AVEN: variants seen among roughly 807,000 people sequenced by gnomAD.
AVEN encodes apoptosis and caspase activation inhibitor, also known as cell death regulator Aven.
Under a neutral mutation model 38.1 loss-of-function variants are expected in AVEN, and 41 were observed. The ratio of observed to expected loss-of-function variants is 1.08; its 90% CI spans 0.84 to 1.40. AVEN has a LOEUF of 1.40. Among genes scored for constraint, AVEN ranks in the 40% most tolerant of loss-of-function variants. The probability of loss-of-function intolerance (pLI) is 0.00; values close to 1 mark genes in which losing one functional copy is unlikely to be tolerated. For synonymous variants in AVEN, 206 were observed against 171.8 expected, an observed-to-expected ratio of 1.20 and a Z score of -1.56; for missense variants, 605 against 438.8, an observed-to-expected ratio of 1.38 and a Z score of -3.38.
At chr15:34,028,182 C>A (rs984285401) in intron 1 of AVEN, among the ~76,000 whole-genome samples, 1 of 152,116 alleles carries the variant, frequency 6.6e-6, no homozygotes, top group Non-Finnish European at 1.5e-5. Flanking sequence ...AATACATATT[C>A]CATAAATAAT....
At chr15:33,912,638 C>G (rs1892956973) in intron 2 of AVEN, among the ~76,000 whole-genome samples, 1 of 152,278 alleles carries the variant, frequency 6.6e-6, no homozygotes, top group African/African-American at 2.4e-5. Flanking sequence ...CTGTTCTAAT[C>G]TTAGCTCTGT....
intron 1 of AVEN, among the ~76,000 whole-genome samples, chr15:34,013,535 A>G (rs1897729548): frequency 6.6e-6 from 1 of 152,204 alleles, no homozygotes; most frequent in African/African-American, 2.4e-5. Flanking sequence ...GCCAATATTC[A>G]TTTAACAGTG....
intron 2 of AVEN, among the ~76,000 whole-genome samples, chr15:34,067,775 A>T (rs148464336): frequency 6.6e-6 from 1 of 152,148 alleles, no homozygotes; most frequent in Non-Finnish European, 1.5e-5. Context: ...CTGCACAAAA[A>T]GGGGCAGCAG....
At position 34,053,319 on chromosome 15, in the gene AVEN, A is replaced by AAAAT. The variant is rs775436850; in HGVS notation, n.1637+9602_1637+9603insATTT. On this transcript the variant is annotated intron_variant and non_coding_transcript_variant, in intron 5 of 11. Coordinates refer to the AVEN transcript ENST00000675287. ...CATCTCAAAAAAAAAAAAAAAAAAAAATATATATATATATATATATATATG... is the reference window on the plus strand; with the variant it reads ...CATCTCAAAAAAAAAAAAAAAAAAAAAAATATATATATATATATATATATATATG... 7.3e-3 allele frequency among the ~76,000 whole-genome samples: 306 copies of AAAAT among 42,022 alleles called. 4 individuals carry two copies. The highest frequency in any genetic ancestry group is 0.011 in the Non-Finnish European group (231 of 21,182). The allele number at this position is 42,022 out of a possible 152,430, so 27.6% of individuals were successfully genotyped here. A position where few individuals can be genotyped will look rare whatever the true frequency, so the allele number is the denominator to read the frequency against.
chr15:33,906,151 G>A (rs370120163), intron 2 of AVEN, among the ~76,000 whole-genome samples: 133 of 152,310 alleles, frequency 8.7e-4, no homozygotes, highest in African/African-American at 3.1e-3. Flanking sequence ...GAACAGAGCT[G>A]GAGTGAATTG....
intron 2 of AVEN, among the ~76,000 whole-genome samples, chr15:33,916,155 C>A (rs967444804): frequency 6.6e-6 from 1 of 152,192 alleles, no homozygotes; most frequent in African/African-American, 2.4e-5. Context: ...ACCACCTGAT[C>A]CTCCCTATAC....
At chr15:33,998,523 A>AT (rs1379301979) in intron 2 of AVEN, among the ~76,000 whole-genome samples, 1 of 152,144 alleles carries the variant, frequency 6.6e-6, no homozygotes, top group Non-Finnish European at 1.5e-5. Flanking sequence ...CCAGCCCATT[A>AT]TTCTCCTTTC....
intron 2 of AVEN, among the ~76,000 whole-genome samples, chr15:33,891,862 C>T (rs1376029072): frequency 2.0e-5 from 3 of 152,216 alleles, no homozygotes; most frequent in African/African-American, 4.8e-5. Flanking sequence ...TAAAAGCATT[C>T]CTATTTCTCC....
intron 2 of AVEN, among the ~76,000 whole-genome samples, chr15:33,990,102 G>A (rs1004745961): frequency 1.3e-5 from 2 of 152,036 alleles, no homozygotes; most frequent in African/African-American, 4.8e-5. Flanking sequence ...TACTCAGGAG[G>A]CTGAGGCAGG....
At chr15:34,018,099 A>G (rs1357655915) in intron 1 of AVEN, 1 of 152,260 alleles carries the variant, frequency 6.6e-6, no homozygotes, top group Non-Finnish European at 1.5e-5. Flanking sequence ...GAGTACAGTC[A>G]TTCTACTTAC....
chr15:34,046,248 C>T (rs865952471), intron 5 of AVEN, among the ~76,000 whole-genome samples: 2 of 151,510 alleles, frequency 1.3e-5, no homozygotes, highest in African/African-American at 4.9e-5. Context: ...ATCCATCAGC[C>T]GTGGAACCTA....
rs28407225 is a variant in AVEN, at chr15:33,897,377, A to T, written c.446-21382T>A. Among the ~76,000 whole-genome samples the T allele has an allele frequency of 4.6e-5, 7 of 151,950 alleles. No homozygotes were observed. The South Asian group carries it at 1.3e-3, about 27-fold the overall frequency. ...CAGTGGCATGATCTTGGCTCACTGCAAGCTCCACCTCCCAGGTGCAAGCAA... is the reference window on the plus strand; with the variant it reads ...CAGTGGCATGATCTTGGCTCACTGCTAGCTCCACCTCCCAGGTGCAAGCAA... On this transcript the variant is annotated intron_variant, in intron 2 of 5. Transcript: ENST00000306730.
intron 2 of AVEN, among the ~76,000 whole-genome samples, chr15:33,905,982 T>C (rs1249832402): frequency 6.6e-6 from 1 of 152,174 alleles, no homozygotes; most frequent in African/African-American, 2.4e-5. Flanking sequence ...CTAGATTTTC[T>C]CAGTACCTCC....
Position 34,063,507 on chromosome 15 carries a change from C to T in AVEN, n.1127-75G>A, listed in dbSNP as rs764541495. 5.6e-6 allele frequency: 9 copies of T among 1,613,618 alleles called. No individual in the cohort carries two copies. In the East Asian group the frequency reaches 6.7e-5, roughly 12 times the overall value. On this transcript the variant is annotated intron_variant and non_coding_transcript_variant, in intron 4 of 11. Transcript: ENST00000675287. This position sits in a 1 kb window ranked among gnomAD's most constrained non-coding sequence, Gnocchi z 4.1. Reference sequence around the variant, plus strand: ...CTGTCCTCGACCCACCCTGGCCCAGCGGGAAAGGAACCAGGCCTCCTGGTC... The same window carrying T: ...CTGTCCTCGACCCACCCTGGCCCAGTGGGAAAGGAACCAGGCCTCCTGGTC...
chr15:33,916,624 A>C (rs1893147311), intron 2 of AVEN, among the ~76,000 whole-genome samples: 1 of 152,208 alleles, frequency 6.6e-6, no homozygotes. Flanking sequence ...AATGCAAATC[A>C]AAACCACAAT....
intron 2 of AVEN, among the ~76,000 whole-genome samples, chr15:33,936,013 G>A (rs201699838): frequency 1.3e-5 from 2 of 151,910 alleles, no homozygotes; most frequent in East Asian, 3.9e-4. Context: ...AAAATGAATC[G>A]ATTTCAAGAT....
At chr15:33,947,709 T>A (rs1894559611) in intron 2 of AVEN, among the ~76,000 whole-genome samples, 1 of 152,252 alleles carries the variant, frequency 6.6e-6, no homozygotes, top group African/African-American at 2.4e-5. Flanking sequence ...TTTTATCTTT[T>A]GAGTTTTTAA....
intron 2 of AVEN, among the ~76,000 whole-genome samples, chr15:33,981,632 T>C (rs1409479021): frequency 6.6e-6 from 1 of 152,100 alleles, no homozygotes; most frequent in Non-Finnish European, 1.5e-5. Flanking sequence ...TAAAGAATAG[T>C]CATGGGTTTT....
chr15:33,969,267 G>A (rs530019265), intron 2 of AVEN: 1 of 152,048 alleles, frequency 6.6e-6, no homozygotes, highest in African/African-American at 2.4e-5. Context: ...AGCTTTTGCA[G>A]ATTTAAGCTG....
Sources: gnomAD v4.1 joint callset for allele counts (sites outside exome capture counted in the v4.1 genomes callset) on GRCh38, gnomAD v4.1.1 for gene constraint, Gnocchi (gnomAD v3.1) non-coding constraint, MANE v1.5 for transcripts, NCBI Gene and HGNC (gene_info 2026-07-23, HGNC 2026-07-21) for gene names.